CFAP58: variants seen among roughly 807,000 people sequenced by gnomAD.
CFAP58 encodes cilia and flagella associated protein 58, also known as cilia- and flagella-associated protein 58.
Under a neutral mutation model 119.5 loss-of-function variants are expected in CFAP58, and 88 were observed. The ratio of observed to expected loss-of-function variants is 0.74; its 90% confidence interval spans 0.62 to 0.88. The LOEUF is 0.88. Ranked by LOEUF, CFAP58 falls within the 40% of genes least tolerant of loss-of-function variation. The pLI is 0.00. For synonymous variants in CFAP58, 365 were observed against 366.3 expected, an observed-to-expected ratio of 1.00 and a Z score of 0.04; for missense variants, 990 against 1,021.2, an observed-to-expected ratio of 0.97 and a Z score of 0.42.
At chr10:104,348,354 G>C in the CFAP58 span, among the ~76,000 whole-genome samples, 2 of 152,146 alleles carry the variant, frequency 1.3e-5, no homozygotes, top group Non-Finnish European at 2.9e-5. Context: ...TCTTCACTGG[G>C]TACTATTGAA....
At chr10:104,400,484 T>C (rs756575852) in intron 12 of CFAP58, among the ~76,000 whole-genome samples, 196 bp from the exon 13 acceptor site, 4 of 152,086 alleles carry the variant, frequency 2.6e-5, no homozygotes, top group Non-Finnish European at 5.9e-5. Flanking sequence ...GGATTATCTG[T>C]TGTGTGGTGT....
chr10:104,447,185 C>CT lies in CFAP58; in HGVS notation c.2257-502dup, dbSNP rs763691381. 9.8e-4 allele frequency among the ~76,000 whole-genome samples: 120 copies of CT among 122,030 alleles called. 1 individual carries two copies. Among genetic ancestry groups the CT allele is most frequent in the Admixed American group, 2.4e-3 (30 of 12,434 alleles). The allele number at this position is 122,030 out of a possible 152,430, so 80.1% of individuals were successfully genotyped here. On this transcript the variant is annotated intron_variant, in intron 15 of 17. Transcript: ENST00000369704. ...TTGTATTTTTCTTTTTTTCCTCTCT[C>CT]TTTTTTTTTTTAAATAGAACCGGGG...
chr10:104,451,215 G>C (rs895358241), intron 17 of CFAP58, among the ~76,000 whole-genome samples: 2 of 152,178 alleles, frequency 1.3e-5, no homozygotes, highest in Non-Finnish European at 2.9e-5. Context: ...CAGGGACATG[G>C]TGAAATATGG....
At chr10:104,351,216 A>G (rs113777130), upstream of CFAP58, among the ~76,000 whole-genome samples, 363 of 152,298 alleles carry the variant, frequency 2.4e-3, 2 homozygotes, top group African/African-American at 7.6e-3. Context: ...AGCAACCTCC[A>G]TGCACATTAT....
At chr10:104,397,067 T>C (rs1468214243) in intron 11 of CFAP58, among the ~76,000 whole-genome samples, 1 of 152,236 alleles carries the variant, frequency 6.6e-6, no homozygotes, top group Non-Finnish European at 1.5e-5. Flanking sequence ...CATTTGAATA[T>C]AACAGGGGTT....
intron 1 of CFAP58, among the ~76,000 whole-genome samples, chr10:104,357,843 ATG>A (rs1413761678): frequency 0.046 from 3,614 of 77,892 alleles, 245 homozygotes; most frequent in African/African-American, 0.16. Context: ...ATGTACACAT[ATG>A]TACACATATA....
intron 2 of CFAP58, among the ~76,000 whole-genome samples, chr10:104,361,569 G>A (rs939986319): frequency 1.3e-5 from 2 of 152,088 alleles, no homozygotes; most frequent in African/African-American, 4.8e-5. Context: ...TTTAATATCT[G>A]GACTTAGAAA....
At chr10:104,415,325 A>T (rs1285349447) in intron 15 of CFAP58, among the ~76,000 whole-genome samples, 1 of 152,136 alleles carries the variant, frequency 6.6e-6, no homozygotes, top group Non-Finnish European at 1.5e-5. Flanking sequence ...GGGTCATCCC[A>T]TGGGCGTTTG....
At position 104,393,332 on chromosome 10, in the gene CFAP58, G is replaced by A; in HGVS notation, c.1531G>A (p.Glu511Lys). Reference protein sequence around the residue: ...YSKNLVEAQDEITDMKRKLKI... With the variant: ...YSKNLVEAQDKITDMKRKLKI... ...ATTTCTCCTTTCATTTGGTTAGGATGAAATAACAGATATGAAGAGAAAGTT... is the reference window on the plus strand; with the variant it reads ...ATTTCTCCTTTCATTTGGTTAGGATAAAATAACAGATATGAAGAGAAAGTT... The change falls in exon 11 of 18, where the codon GAA (glutamate) becomes AAA (lysine). Residue 511 changes from glutamate (E) to lysine (K), a missense_variant. By Grantham distance (56) the Glu-to-Lys change is moderately conservative. Transcript: ENST00000369704. The A allele has an allele frequency of 1.2e-6, 2 of 1,611,974 alleles. No individual in the cohort carries two copies. The highest frequency in any genetic ancestry group is 8.5e-7 in the Non-Finnish European group (1 of 1,178,424).
chr10:104,450,313 A>G, intron 17 of CFAP58, 109 bp downstream of exon 17: 1 of 1,118,542 alleles, frequency 8.9e-7, no homozygotes, highest in Non-Finnish European at 1.3e-6. Flanking sequence ...AAACTAAATC[A>G]CAGGGTAAAC....
chr10:104,396,859 A>T (rs2012172911), intron 11 of CFAP58, among the ~76,000 whole-genome samples: 1 of 152,182 alleles, frequency 6.6e-6, no homozygotes, highest in Admixed American at 6.5e-5. Context: ...TAACTGCTAA[A>T]TGCATTAGAC....
chr10:104,373,183 C>G (rs1356685221), intron 7 of CFAP58, among the ~76,000 whole-genome samples: 1 of 151,276 alleles, frequency 6.6e-6, no homozygotes, highest in Non-Finnish European at 1.5e-5. Flanking sequence ...TCTGCAAGAT[C>G]TATATATTAA....
chr10:104,347,862 C>G, the CFAP58 span, among the ~76,000 whole-genome samples: 3 of 152,034 alleles, frequency 2.0e-5, no homozygotes, highest in Non-Finnish European at 2.9e-5. Context: ...AAGGAAGAAG[C>G]TCCCTCTCCC....
intron 6 of CFAP58, among the ~76,000 whole-genome samples, chr10:104,370,635 ATGG>A (rs2014809877): frequency 6.6e-6 from 1 of 152,208 alleles, no homozygotes; most frequent in Non-Finnish European, 1.5e-5. Flanking sequence ...ACCATTTCAG[ATGG>A]TAACTTGAAA....
At chr10:104,437,682 G>A (rs1315151608) in intron 15 of CFAP58, among the ~76,000 whole-genome samples, 2 of 152,012 alleles carry the variant, frequency 1.3e-5, no homozygotes, top group Non-Finnish European at 2.9e-5. Context: ...AATTGAACAA[G>A]TATAAGTATA....
In CFAP58 at chr10:104,362,180, T is replaced by C. The variant is rs531529751; in HGVS notation, c.440+9T>C. Reference sequence around the variant, plus strand: ...ATGGACCAGCATAGCAAGTAGGTCATAGCCTTGTTGATGTATGTTAAACTT... The same window carrying C: ...ATGGACCAGCATAGCAAGTAGGTCACAGCCTTGTTGATGTATGTTAAACTT... On this transcript the variant is annotated intron_variant, in intron 3 of 17. Transcript: ENST00000369704. The C allele has an allele frequency of 2.4e-5, 39 of 1,607,194 alleles. No individual in the cohort carries two copies. The Admixed American group carries it at 6.3e-4, about 26-fold the overall frequency.
chr10:104,448,707 A>G (rs553680909), intron 16 of CFAP58, among the ~76,000 whole-genome samples: 8 of 152,356 alleles, frequency 5.3e-5, no homozygotes, highest in Non-Finnish European at 1.2e-4. Context: ...GGGCAAATGA[A>G]ACAAGTCTAA....
intron 7 of CFAP58, among the ~76,000 whole-genome samples, chr10:104,371,463 G>A (rs78850148): frequency 0.015 from 2,263 of 152,222 alleles, 20 homozygotes; most frequent in Middle Eastern, 0.024. Flanking sequence ...AAGAATCAGC[G>A]GAACAAAAAT....
At chr10:104,391,624 T>C (rs1318159617) in intron 9 of CFAP58, among the ~76,000 whole-genome samples, 2 of 152,188 alleles carry the variant, frequency 1.3e-5, no homozygotes, top group Non-Finnish European at 2.9e-5. Context: ...ATTTCAGGTG[T>C]TGGTTTTTCA....
Sources: gnomAD v4.1 joint callset for allele counts (sites outside exome capture counted in the v4.1 genomes callset) on GRCh38, gnomAD v4.1.1 for gene constraint, MANE v1.5 for transcripts, NCBI Gene and HGNC (gene_info 2026-07-23, HGNC 2026-07-21) for gene names.